Variants in ARHGEF11 observed in about 807,000 individuals in gnomAD.
ARHGEF11 encodes the protein Rho guanine nucleotide exchange factor 11.
ARHGEF11 carries 55 observed loss-of-function variants against 193.7 expected under a neutral mutation model. The ratio of observed to expected loss-of-function variants is 0.28; its 90% CI spans 0.23 to 0.36. ARHGEF11 has a LOEUF of 0.36. ARHGEF11 is among the 10% of genes least tolerant of loss of function. The pLI is 1.00. For synonymous variants in ARHGEF11, 693 were observed against 768.0 expected (o/e 0.90, Z 1.62); for missense variants, 1,723 against 2,005.6 (o/e 0.86, Z 2.69).
At chr1:156,979,364 T>C (rs1663764998) in intron 4 of ARHGEF11, 78 bp from the exon 5 acceptor site, 1 of 757,860 alleles carries the variant, frequency 1.3e-6, no homozygotes, top group East Asian at 4.1e-5. Context: ...AATGCCACTT[T>C]TTTTTTTTTT....
In ARHGEF11 at chr1:156,959,116, C is replaced by T; in HGVS notation, c.1309G>A (p.Ala437Thr). 1 of 1,614,204 alleles carries T rather than the reference C, an allele frequency of 6.2e-7. No homozygotes were observed. The highest frequency in any genetic ancestry group is 8.5e-7 in the Non-Finnish European group (1 of 1,180,040). The change falls in exon 16 of 41, where the codon GCC becomes ACC. Residue 437 changes from alanine (A) to threonine (T), a missense_variant. Ala to Thr is a moderately conservative substitution (Grantham distance 58). Transcript: ENST00000368194. ...IDSRLRNSED[A>T]RGVLCEAQEA... ...TGAGCTTCACAGAGAACACCACGGGCATCTTCGCTGTTCCGCAGGCGCGAG... is the reference window on the plus strand; with the variant it reads ...TGAGCTTCACAGAGAACACCACGGGTATCTTCGCTGTTCCGCAGGCGCGAG...
chr1:156,960,825 C>G (rs1660721231), intron 14 of ARHGEF11, among the ~76,000 whole-genome samples: 1 of 152,152 alleles, frequency 6.6e-6, no homozygotes, highest in African/African-American at 2.4e-5. Flanking sequence ...GGTGGACTTT[C>G]CCTCCCGCTC....
chr1:157,017,706 CAAAAAAA>C (rs1047573559), intron 1 of ARHGEF11, among the ~76,000 whole-genome samples: 1,009 of 41,512 alleles, frequency 0.024, 11 homozygotes, highest in African/African-American at 0.066. Flanking sequence ...GACTCCGTCT[CAAAAAAA>C]AAAAAAAAAA....
chr1:156,976,208 C>T (rs1663232130), intron 7 of ARHGEF11, among the ~76,000 whole-genome samples: 1 of 152,118 alleles, frequency 6.6e-6, no homozygotes, highest in Non-Finnish European at 1.5e-5. Context: ...GTGCCTTTGA[C>T]CTATGCTGTC....
At chr1:156,940,014 A>G in intron 36 of ARHGEF11, 104 bp from the exon 37 acceptor site, 1 of 1,531,438 alleles carries the variant, frequency 6.5e-7, no homozygotes. Flanking sequence ...CCTCAGGCAC[A>G]GGTGAAGCTG....
Position 156,971,780 on chromosome 1 carries a change from G to A in ARHGEF11, c.619C>T (p.Leu207=), listed in dbSNP as rs1662517829. 6.2e-7 allele frequency: 1 copy of A among 1,613,888 alleles called. No individual in the cohort carries two copies. Among genetic ancestry groups the A allele is most frequent in the African/African-American group, 1.3e-5 (1 of 75,046 alleles). The part of the protein sequence containing the change: ...CEVYSRNPAS[L]LEEQIEGARR... ...GCACCTTCGATCTGCTCTTCCAGTA[G>A]GCTGGCGGGGTTCCGGCTATAGACC... is the stretch of plus-strand genomic sequence containing the variant. The change falls in exon 8 of 41, where the codon CTA becomes TTA. Residue 207 remains leucine (L), a synonymous_variant. Transcript: ENST00000368194.
chr1:156,984,579 G>A, intron 2 of ARHGEF11, 142 bp from the exon 3 acceptor site: 2 of 607,006 alleles, frequency 3.3e-6, no homozygotes, highest in Non-Finnish European at 2.9e-6. Context: ...GACTATTCCT[G>A]TCTAAACACT....
chr1:156,956,265 C>T (rs527730412), intron 19 of ARHGEF11, among the ~76,000 whole-genome samples, 155 bp downstream of exon 19: 1 of 152,162 alleles, frequency 6.6e-6, no homozygotes. Flanking sequence ...TATAGGCATG[C>T]ACCACTATGC....
intron 21 of ARHGEF11, among the ~76,000 whole-genome samples, chr1:156,953,084 T>C (rs1263054504): frequency 6.6e-6 from 1 of 152,244 alleles, no homozygotes; most frequent in African/African-American, 2.4e-5. Context: ...AGCCCTGAGA[T>C]CTGGTATAAC....
At chr1:156,960,287 G>A (rs567383537) in intron 15 of ARHGEF11, 131 bp downstream of exon 15, 173 of 817,080 alleles carry the variant, frequency 2.1e-4, no homozygotes, top group Admixed American at 2.7e-4. Context: ...TCATCCCATG[G>A]GTCTTTTCCT....
chr1:156,936,004 G>C lies in ARHGEF11; in HGVS notation c.4685C>G (p.Pro1562Arg), dbSNP rs1654973658. 1 of 1,613,262 alleles carries C rather than the reference G, an allele frequency of 6.2e-7. No individual in the cohort carries two copies. Among genetic ancestry groups the C allele is most frequent in the Admixed American group, 1.7e-5 (1 of 59,954 alleles). The change falls in exon 41 of 41, where the codon CCA (proline) becomes CGA (arginine). Residue 1562 changes from proline (P) to arginine (R), a missense_variant. By Grantham distance (103) the Pro-to-Arg change is moderately radical. Coordinates refer to ENST00000368194, the MANE Select transcript of ARHGEF11 (RefSeq NM_198236.3). ...STADAAASPGP is the reference protein window; with the variant it reads ...STADAAASPGR ...AGGATTTGGTGGTTTGTACGGTTAT[G>C]GTCCTGGTGACGCGGCTGCGTCTGC...
rs759385610 is a variant in ARHGEF11, at chr1:156,980,470, C to T, written c.240G>A (p.Lys80=). 2 of 1,600,994 alleles carry T rather than the reference C, an allele frequency of 1.2e-6. No homozygotes were observed. Among genetic ancestry groups the T allele is most frequent in the Non-Finnish European group, 1.7e-6 (2 of 1,173,122 alleles). ...TCCGGTCGCCCTCTTTCACACCGGC[C>T]TTCATGGCTGCACCTCCTGTAAGGA... ...QSVRPGGAAM[K]AGVKEGDRII... is the part of the protein sequence containing the mutation. Residue 80 remains lysine, a synonymous_variant, in exon 4 of 41, where the codon AAG becomes AAA. Coordinates refer to ENST00000368194, the MANE Select transcript of ARHGEF11 (RefSeq NM_198236.3).
intron 1 of ARHGEF11, among the ~76,000 whole-genome samples, chr1:157,036,486 T>C (rs2103056690): frequency 6.6e-6 from 1 of 152,086 alleles, no homozygotes; most frequent in South Asian, 2.1e-4. Flanking sequence ...CACATCAGGC[T>C]AATTTTTGTA....
rs558279579 is a variant in ARHGEF11 at position 156,935,589 on chromosome 1, C to T, written c.*411G>A. 5.9e-6 allele frequency: 1 copy of T among 170,928 alleles called. No individual in the cohort carries two copies. The highest frequency in any genetic ancestry group is 6.3e-5 in the Admixed American group (1 of 15,986). 10.6% of individuals were successfully genotyped at this position (170,928 alleles called of 1,614,324 possible). The stretch of plus-strand genomic sequence containing the variant: ...GGGGAGGGGAGGCACCCACCTCTGC[C>T]TGGGGTCTTATGGAGAAAGAGGGGA... On this transcript the variant is annotated 3_prime_UTR_variant, in exon 41 of 41. Transcript: ENST00000368194.
intron 1 of ARHGEF11, among the ~76,000 whole-genome samples, chr1:157,015,782 T>C (rs565976964): frequency 6.6e-6 from 1 of 152,332 alleles, no homozygotes; most frequent in South Asian, 2.1e-4. Flanking sequence ...CATGGGACTC[T>C]TGGCGACCTG....
At chr1:156,960,230 T>C (rs1660631363) in intron 15 of ARHGEF11, among the ~76,000 whole-genome samples, 188 bp downstream of exon 15, 2 of 152,100 alleles carry the variant, frequency 1.3e-5, no homozygotes, top group Non-Finnish European at 2.9e-5. Context: ...GCAGGGTCTG[T>C]CCCATTTGCA....
At position 157,044,524 on chromosome 1, in the gene ARHGEF11, C is replaced by G. The variant is rs1345417667; in HGVS notation, c.-194G>C. On this transcript the variant is annotated 5_prime_UTR_variant, in exon 1 of 41. Transcript: ENST00000368194. ...TCTACCAGTGAACATGATTTCCTTTCTCAGCCCCTCTTCCCCTCCCCCGCT... is the reference window on the plus strand; with the variant it reads ...TCTACCAGTGAACATGATTTCCTTTGTCAGCCCCTCTTCCCCTCCCCCGCT... 10 of 476,318 alleles carry G rather than the reference C, an allele frequency of 2.1e-5. No homozygotes were observed. Among genetic ancestry groups the G allele is most frequent in the East Asian group, 6.2e-5 (2 of 32,070 alleles). 29.5% of individuals were successfully genotyped at this position (476,318 alleles called of 1,614,324 possible). A position where few individuals can be genotyped will look rare whatever the true frequency, so the allele number is the denominator to read the frequency against.
chr1:157,037,332 A>G (rs971415031), intron 1 of ARHGEF11, among the ~76,000 whole-genome samples: 1 of 152,116 alleles, frequency 6.6e-6, no homozygotes, highest in East Asian at 1.9e-4. Context: ...ATATATTAAT[A>G]TCAGAATTCT....
At chr1:157,046,121 G>T (rs1237519803), upstream of ARHGEF11, among the ~76,000 whole-genome samples, 1 of 150,872 alleles carries the variant, frequency 6.6e-6, no homozygotes, top group Admixed American at 6.6e-5. Flanking sequence ...TCAGTCGCCG[G>T]CCCTGCCCCT....
Sources: gnomAD v4.1 joint callset for allele counts (sites outside exome capture counted in the v4.1 genomes callset) on GRCh38, gnomAD v4.1.1 for gene constraint, MANE v1.5 for transcripts, NCBI Gene and HGNC (gene_info 2026-07-23, HGNC 2026-07-21) for gene names.